The following HSD17B7 variants were observed in gnomAD, a reference collection of about 807,000 sequenced individuals.
HSD17B7 encodes the protein hydroxysteroid 17-beta dehydrogenase 7.
Under a neutral mutation model 34.1 loss-of-function variants are expected in HSD17B7, and 17 were observed. The observed-to-expected ratio is 0.50, with a 90% confidence interval of 0.34 to 0.75. The LOEUF (loss-of-function observed/expected upper bound fraction) is 0.75. HSD17B7 is among the 30% of genes least tolerant of loss of function. HSD17B7 has a pLI of 0.01. For missense variants in HSD17B7, 296 were observed against 406.6 expected (o/e 0.73, Z 2.34); for synonymous variants, 122 against 154.6 (o/e 0.79, Z 1.56).
At chr1:162,799,687 T>A (rs1181816570) in intron 4 of HSD17B7, 56 bp from the exon 5 acceptor site, 80 of 1,446,546 alleles carry the variant, frequency 5.5e-5, no homozygotes, top group Non-Finnish European at 6.8e-5. Context: ...GGTTTCAAAA[T>A]TTTTATCTGT....
At chr1:162,792,207 C>T (rs113425939) in intron 1 of HSD17B7, among the ~76,000 whole-genome samples, 3 of 152,140 alleles carry the variant, frequency 2.0e-5, no homozygotes, top group Admixed American at 1.3e-4. Context: ...ATGGTGTTTA[C>T]GATACCAGTA....
At position 162,812,016 on chromosome 1, in the gene HSD17B7, G is replaced by A. The variant is rs1490630424; in HGVS notation, c.904-282G>A. Among the ~76,000 whole-genome samples, 6 of 152,206 alleles carry A rather than the reference G, an allele frequency of 3.9e-5. No homozygotes were observed. In the East Asian group the frequency reaches 7.7e-4, roughly 20 times the overall value. On this transcript the variant is annotated intron_variant, in intron 8 of 8. Coordinates refer to ENST00000254521, the MANE Select transcript of HSD17B7 (RefSeq NM_016371.4). ...GTCCTTTGATAACCAGTTGGTTGGT[G>A]TCTTCTGTTACTGGGCATATAAAAG...
At chr1:162,797,598 C>T (rs1245541383) in intron 3 of HSD17B7, 5 of 561,544 alleles carry the variant, frequency 8.9e-6, no homozygotes, top group Admixed American at 3.3e-5. Flanking sequence ...GTAAGTATTT[C>T]TGTGAATTAG....
At chr1:162,794,835 C>T (rs1232788020) in intron 2 of HSD17B7, among the ~76,000 whole-genome samples, 1 of 152,080 alleles carries the variant, frequency 6.6e-6, no homozygotes, top group Non-Finnish European at 1.5e-5. Flanking sequence ...TTCCCAAATG[C>T]CTTCAAAGGT....
chr1:162,800,082 G>A, intron 5 of HSD17B7, 145 bp downstream of exon 5: 1 of 747,452 alleles, frequency 1.3e-6, no homozygotes, highest in Non-Finnish European at 2.4e-6. Flanking sequence ...TTAGGGCAGA[G>A]ATAATTGGCT....
chr1:162,805,906 C>T (rs1648967301), intron 8 of HSD17B7, among the ~76,000 whole-genome samples: 2 of 152,188 alleles, frequency 1.3e-5, no homozygotes. Flanking sequence ...GGCTGCCTTA[C>T]ACATGGTAGA....
At chr1:162,802,822 C>T (rs1014681474) in intron 5 of HSD17B7, 4 of 152,204 alleles carry the variant, frequency 2.6e-5, no homozygotes, top group African/African-American at 9.7e-5. Flanking sequence ...AATTGGGGCT[C>T]TCTTTGTAGG....
chr1:162,803,498 C>G lies in HSD17B7; in HGVS notation c.710C>G (p.Pro237Arg). The G allele has an allele frequency of 6.2e-7, 1 of 1,612,978 alleles. No homozygotes were observed. Among genetic ancestry groups the G allele is most frequent in the Non-Finnish European group, 8.5e-7 (1 of 1,179,196 alleles). Reference protein sequence around the residue: ...LTNLTYGILPPFIWTLLMPAI... With the variant: ...LTNLTYGILPRFIWTLLMPAI... ...AATTTGACATATGGAATTCTGCCTC[C>G]GTTTATATGGACGCTGTTGATGCCG... Residue 237 changes from proline to arginine, a missense_variant, in exon 6 of 9, where the codon CCG (proline) becomes CGG (arginine). Transcript: ENST00000254521.
intron 2 of HSD17B7, chr1:162,793,155 C>T: frequency 3.9e-6 from 1 of 258,614 alleles, no homozygotes; most frequent in Non-Finnish European, 7.7e-6. Context: ...CTGCCTCCAC[C>T]TCCTGAGTAG....
intron 8 of HSD17B7, among the ~76,000 whole-genome samples, chr1:162,808,765 T>C (rs559127787): frequency 1.3e-5 from 2 of 148,686 alleles, no homozygotes; most frequent in South Asian, 4.1e-4. Context: ...TTTGGCTCTC[T>C]GTTTGTCTGT....
At chr1:162,793,669 C>T (rs1456022298) in intron 2 of HSD17B7, among the ~76,000 whole-genome samples, 2 of 152,216 alleles carry the variant, frequency 1.3e-5, no homozygotes, top group Non-Finnish European at 2.9e-5. Flanking sequence ...GTTGCACTGC[C>T]TTACGTTAAG....
Position 162,804,289 on chromosome 1 carries a change from T to A in HSD17B7, c.770T>A (p.Phe257Tyr). ...CAGCTTCGCTTTTTTGCAAATGCAT[T>A]CACTTTGACACCATATAATGGAACA... is the stretch of plus-strand genomic sequence containing the variant. ...ILLLRFFANA[F>Y]TLTPYNGTEA... Residue 257 changes from phenylalanine to tyrosine, a missense_variant, in exon 7 of 9, where the codon TTC (phenylalanine) becomes TAC (tyrosine). Transcript: ENST00000254521. 6.2e-7 allele frequency: 1 copy of A among 1,610,220 alleles called. No individual in the cohort carries two copies. Among genetic ancestry groups the A allele is most frequent in the Non-Finnish European group, 8.5e-7 (1 of 1,178,110 alleles).
intron 5 of HSD17B7, among the ~76,000 whole-genome samples, chr1:162,801,116 A>T (rs150375711): frequency 0.012 from 1,884 of 152,246 alleles, 28 homozygotes; most frequent in African/African-American, 0.043. Flanking sequence ...AGTAGCTGGG[A>T]TTACAGGGAT....
intron 1 of HSD17B7, among the ~76,000 whole-genome samples, chr1:162,792,010 T>C (rs1264653565): frequency 6.6e-6 from 1 of 152,210 alleles, no homozygotes; most frequent in Non-Finnish European, 1.5e-5. Context: ...TGAAGTTCTT[T>C]GTTTCCAAGT....
At chr1:162,792,422 A>G in intron 1 of HSD17B7, 1 of 524,954 alleles carries the variant, frequency 1.9e-6, no homozygotes, top group Non-Finnish European at 3.3e-6. Context: ...TTTTCAGTCC[A>G]GTTATTTTGT....
rs1470326081 is a variant in HSD17B7 at position 162,797,844 on chromosome 1, C to T, written c.375C>T (p.Thr125=). ...TCTCCACAGCTGAAGGCCTGCTGAC[C>T]CAGGGTGATAAGATCACTGCTGATG... The part of the protein sequence containing the change: ...HMFSTAEGLL[T]QGDKITADGL... The change falls in exon 4 of 9, where the codon ACC becomes ACT. Residue 125 remains threonine, a synonymous_variant. Transcript: ENST00000254521. The T allele has an allele frequency of 2.5e-6, 4 of 1,613,476 alleles. No individual in the cohort carries two copies. The highest frequency in any genetic ancestry group is 3.4e-6 in the Non-Finnish European group (4 of 1,179,770).
intron 5 of HSD17B7, among the ~76,000 whole-genome samples, chr1:162,800,967 G>A (rs1648794970): frequency 6.6e-6 from 1 of 152,044 alleles, no homozygotes; most frequent in Non-Finnish European, 1.5e-5. Flanking sequence ...TCTGTGTTCT[G>A]GCTCTTAGAA....
rs755181917 is a variant in HSD17B7 at position 162,799,778 on chromosome 1, C to G, written c.483C>G (p.Asp161Glu). 6.8e-6 allele frequency: 11 copies of G among 1,613,770 alleles called. No homozygotes were observed. The South Asian group carries it at 1.1e-4, about 16-fold the overall frequency. Residue 161 changes from aspartate (D) to glutamate (E), a missense_variant, in exon 5 of 9, where the codon GAC (aspartate) becomes GAG (glutamate). Physicochemically the swap from Asp to Glu is conservative, Grantham distance 45 (BLOSUM62 2). Coordinates refer to ENST00000254521, the MANE Select transcript of HSD17B7 (RefSeq NM_016371.4). ...RELEPLLCHSDNPSQLIWTSS... is the reference protein window; with the variant it reads ...RELEPLLCHSENPSQLIWTSS... ...TGGAGCCTCTCCTCTGTCACAGTGA[C>G]AATCCATCTCAGCTCATCTGGACAT... is the stretch of plus-strand genomic sequence containing the variant.
rs201559848 is a variant in HSD17B7, at chr1:162,800,028, C to T, written c.642+91C>T. 183 of 1,053,480 alleles carry T rather than the reference C, an allele frequency of 1.7e-4. 1 individual carries two copies. In the East Asian group the frequency reaches 4.6e-3, roughly 27 times the overall value. 65.3% of individuals were successfully genotyped at this position (1,053,480 alleles called of 1,614,324 possible). ...TCCTAATAAGGTAGCTGGCTTTCCA[C>T]TAACTCTTATAGTTTAGATTGATAT... is the stretch of plus-strand genomic sequence containing the variant. On this transcript the variant is annotated intron_variant, in intron 5 of 8. Transcript: ENST00000254521.
Sources: allele counts gnomAD v4.1 joint callset (sites outside exome capture counted in the v4.1 genomes callset), GRCh38; gene constraint gnomAD v4.1.1; transcripts MANE v1.5; gene names NCBI Gene and HGNC (gene_info 2026-07-23, HGNC 2026-07-21).